Variants in PTPRU observed in about 807,000 individuals in gnomAD.
The protein encoded by PTPRU is protein tyrosine phosphatase receptor type U, also known as receptor-type tyrosine-protein phosphatase U.
Under a neutral mutation model 166.3 loss-of-function variants are expected in PTPRU, and 69 were observed. The observed-to-expected ratio is 0.41, with a 90% CI of 0.34 to 0.51. The LOEUF is 0.51. Ranked by LOEUF, PTPRU falls within the 20% of genes least tolerant of loss-of-function variation. PTPRU has a pLI of 0.09. For synonymous variants in PTPRU, 793 were observed against 814.0 expected (o/e 0.97, Z 0.44); for missense variants, 1,657 against 2,013.7 (o/e 0.82, Z 3.39).
intron 26 of PTPRU, 37 bp from the exon 27 acceptor site, chr1:29,323,334 C>G (rs1247774117): frequency 6.3e-7 from 1 of 1,594,676 alleles, no homozygotes. Flanking sequence ...CCCGGCCAGG[C>G]TCTACTCAGC....
intron 26 of PTPRU, among the ~76,000 whole-genome samples, chr1:29,321,085 G>A (rs753235188): frequency 6.6e-5 from 10 of 152,110 alleles, no homozygotes; most frequent in South Asian, 2.1e-4. Context: ...GTGCAGTGGC[G>A]CGATCACAGC....
chr1:29,282,996 G>T, intron 12 of PTPRU, 47 bp downstream of exon 12: 1 of 1,590,902 alleles, frequency 6.3e-7, no homozygotes, highest in South Asian at 1.1e-5. Flanking sequence ...GGTGTGGGGG[G>T]ATGGCAGACA....
chr1:29,299,635 T>C (rs1687049798), intron 15 of PTPRU, among the ~76,000 whole-genome samples: 1 of 152,226 alleles, frequency 6.6e-6, no homozygotes, highest in Non-Finnish European at 1.5e-5. Flanking sequence ...CTTGTGGGGC[T>C]GTGCCAGGGC....
chr1:29,259,994 A>T lies in PTPRU; in HGVS notation c.800A>T (p.Gln267Leu). 6.6e-7 allele frequency: 1 copy of T among 1,513,010 alleles called. No individual in the cohort carries two copies. The highest frequency in any genetic ancestry group is 8.8e-7 in the Non-Finnish European group (1 of 1,139,540). The allele number at this position is 1,513,010 out of a possible 1,614,324, so 93.7% of individuals were successfully genotyped here. The change falls in exon 6 of 30, where the codon CAG becomes CTG. Residue 267 changes from glutamine to leucine, a missense_variant. By Grantham distance (113) the Gln-to-Leu change is moderately radical. Transcript: ENST00000373779. ...CAGGACCTGTACCGCTGTGTGTCCC[A>T]GGCCCCGCGCGGCGCGGGCGTCTCT... Reference protein sequence around the residue: ...AEQDLYRCVSQAPRGAGVSNF... With the variant: ...AEQDLYRCVSLAPRGAGVSNF...
chr1:29,320,694 C>A lies in PTPRU; in HGVS notation c.3697C>A (p.Arg1233=). The A allele has an allele frequency of 6.3e-7, 1 of 1,590,512 alleles. No individual in the cohort carries two copies. Residue 1233 remains arginine (R), a synonymous_variant, in exon 26 of 30, where the codon CGG becomes AGG. Transcript: ENST00000373779. The surrounding 1 kb of genome is among the most constrained non-coding windows in gnomAD (Gnocchi z 5.2). The part of the protein sequence containing the change: ...INAALTDSYT[R]SAAFIVTLHP... ...TCCGGTTTCCCTGCAGAGCTACACA[C>A]GGAGTGCGGCCTTCATCGTGACCCT...
At chr1:29,309,378 A>G (rs1014551728) in intron 18 of PTPRU, among the ~76,000 whole-genome samples, 38 of 152,188 alleles carry the variant, frequency 2.5e-4, no homozygotes, top group African/African-American at 8.9e-4. Flanking sequence ...TCAGAGTTAC[A>G]CAGCTACTGC....
At chr1:29,270,050 C>G (rs1199935731) in intron 7 of PTPRU, among the ~76,000 whole-genome samples, 2 of 152,160 alleles carry the variant, frequency 1.3e-5, no homozygotes, top group East Asian at 3.9e-4. Flanking sequence ...CTTCTCCCCC[C>G]ACCCTGAGTT....
chr1:29,258,122 AC>A (rs1684853240), intron 2 of PTPRU, among the ~76,000 whole-genome samples: 1 of 151,890 alleles, frequency 6.6e-6, no homozygotes, highest in African/African-American at 2.4e-5. Context: ...ATGCTACCAC[AC>A]CCTGCTAATT....
chr1:29,323,164 C>A, intron 26 of PTPRU: 1 of 609,172 alleles, frequency 1.6e-6, no homozygotes, highest in Admixed American at 3.0e-5. Flanking sequence ...CGTGTCAGTG[C>A]AGAACGCATT....
At position 29,238,156 on chromosome 1, in the gene PTPRU, T is replaced by C. The variant is rs1256515454; in HGVS notation, c.73+1439T>C. 3.3e-5 allele frequency among the ~76,000 whole-genome samples: 5 copies of C among 151,488 alleles called. No homozygotes were observed. The highest frequency in any genetic ancestry group is 2.0e-4 in the Admixed American group (3 of 15,232). On this transcript the variant is annotated intron_variant, in intron 1 of 29. Coordinates refer to ENST00000373779, the MANE Select transcript of PTPRU (RefSeq NM_133178.4). The surrounding 1 kb of genome is among the most constrained non-coding windows in gnomAD (Gnocchi z 6.1). ...TCCGGGTGTGTTTCGGAGTCTGGTG[T>C]CTTTGGTGTGCGTGCGCGTGTGTGT...
rs139799507 is a variant in PTPRU, at chr1:29,289,744, G to A, written c.2319-2125G>A. The A allele has an allele frequency of 2.8e-3, 4,586 of 1,611,220 alleles. 108 individuals are homozygous for A. The African/African-American group carries it at 0.049, about 17-fold the overall frequency. On this transcript the variant is annotated intron_variant, in intron 14 of 29. Coordinates refer to ENST00000373779, the MANE Select transcript of PTPRU (RefSeq NM_133178.4). Reference sequence around the variant, plus strand: ...AGCTCTACCTTGCCTGGGAGTCCCCGGCCCTGCCTAGGGGGAGATCCCCTG... The same window carrying A: ...AGCTCTACCTTGCCTGGGAGTCCCCAGCCCTGCCTAGGGGGAGATCCCCTG...
chr1:29,314,265 C>T (rs1228778431), intron 22 of PTPRU, among the ~76,000 whole-genome samples: 3 of 152,096 alleles, frequency 2.0e-5, no homozygotes, highest in Non-Finnish European at 4.4e-5. Context: ...GTGGTATGTA[C>T]GTAGGAGTAG....
In PTPRU at chr1:29,280,125, C is replaced by T. The variant is rs369488427; in HGVS notation, c.1852C>T (p.Arg618Cys). The change falls in exon 11 of 30, where the codon CGC (arginine) becomes TGC (cysteine). Residue 618 changes from arginine to cysteine, a missense_variant. This residue lies in a region of PTPRU where 1,190 missense variants were observed against 1,477.4 expected (regional missense o/e 0.81). Coordinates refer to ENST00000373779, the MANE Select transcript of PTPRU (RefSeq NM_133178.4). This position sits in a 1 kb window ranked among gnomAD's most constrained non-coding sequence, Gnocchi z 4.2. The stretch of plus-strand genomic sequence containing the variant: ...CGTGCTGCTGAGGCCGGCACAGGGC[C>T]GCGGTGCGCCCATCAGGTGGGAAAG... ...ITVLLRPAQG[R>C]GAPISVYQVI... 4.3e-5 allele frequency: 70 copies of T among 1,612,346 alleles called. 1 individual carries two copies. The East Asian group carries it at 1.0e-3, about 23-fold the overall frequency.
chr1:29,305,232 ACT>A (rs1687332340), intron 17 of PTPRU, 118 bp from the exon 18 acceptor site: 4 of 912,326 alleles, frequency 4.4e-6, no homozygotes, highest in Non-Finnish European at 6.9e-6. Context: ...AAGCCCTGAG[ACT>A]CTAGGTTCCC....
Position 29,296,002 on chromosome 1 carries a change from C to A in PTPRU, c.2476+3976C>A, listed in dbSNP as rs543808746. On this transcript the variant is annotated intron_variant, in intron 15 of 29. Coordinates refer to ENST00000373779, the MANE Select transcript of PTPRU (RefSeq NM_133178.4). ...CACCGTGCCTAGCCTTATATACATA[C>A]TTCTCGATATGCTTTCTTATTCTCA... is the stretch of plus-strand genomic sequence containing the variant. Among the ~76,000 whole-genome samples the A allele has an allele frequency of 2.0e-5, 3 of 152,268 alleles. No homozygotes were observed. In the South Asian group the frequency reaches 6.2e-4, roughly 32 times the overall value.
At chr1:29,262,166 C>A (rs1685095979) in intron 7 of PTPRU, among the ~76,000 whole-genome samples, 1 of 152,196 alleles carries the variant, frequency 6.6e-6, no homozygotes, top group African/African-American at 2.4e-5. Context: ...TAACCACATT[C>A]ACCTCCCTTT....
intron 1 of PTPRU, among the ~76,000 whole-genome samples, chr1:29,240,804 C>G (rs1413498919): frequency 7.0e-6 from 1 of 142,374 alleles, no homozygotes; most frequent in Non-Finnish European, 1.5e-5. Flanking sequence ...GGAGGGAGCC[C>G]GCAGGGCCCT....
chr1:29,286,500 G>T (rs923687506), intron 14 of PTPRU, among the ~76,000 whole-genome samples: 178 of 152,214 alleles, frequency 1.2e-3, no homozygotes, highest in African/African-American at 4.1e-3. Context: ...ACTCAGGCTC[G>T]CCTACAAATG....
intron 1 of PTPRU, among the ~76,000 whole-genome samples, chr1:29,242,131 A>T (rs547958104): frequency 6.6e-6 from 1 of 152,298 alleles, no homozygotes; most frequent in South Asian, 2.1e-4. Flanking sequence ...ACCTCAGGTG[A>T]TCCACCTGCT....
Sources: allele counts gnomAD v4.1 joint callset (sites outside exome capture counted in the v4.1 genomes callset), GRCh38; gene constraint gnomAD v4.1.1; regional missense constraint gnomAD v4.1.1; non-coding constraint Gnocchi (gnomAD v3.1); transcripts MANE v1.5; gene names NCBI Gene and HGNC (gene_info 2026-07-23, HGNC 2026-07-21).